The following MAP6 variants were observed in gnomAD, a reference collection of about 807,000 sequenced individuals.
The protein encoded by MAP6 is microtubule associated protein 6.
Under a neutral mutation model 42.4 loss-of-function variants are expected in MAP6, and 26 were observed. That is an observed-to-expected ratio of 0.61 (90% CI 0.45 to 0.85). The LOEUF is 0.85. Ranked by LOEUF, MAP6 falls within the 40% of genes least tolerant of loss-of-function variation. MAP6 has a pLI of 0.00. For missense variants in MAP6, 966 were observed against 1,099.0 expected, an observed-to-expected ratio of 0.88 and a Z score of 1.71; for synonymous variants, 418 against 443.8, an observed-to-expected ratio of 0.94 and a Z score of 0.73.
chr11:75,607,459 A>T (rs987290784), intron 2 of MAP6: 20 of 985,336 alleles, frequency 2.0e-5, no homozygotes, highest in African/African-American at 8.7e-5. Context: ...CCTGATCACG[A>T]ACTCCTATGT....
At chr11:75,606,776 CAG>C in intron 2 of MAP6, among the ~76,000 whole-genome samples, 1 of 152,298 alleles carries the variant, frequency 6.6e-6, no homozygotes, top group South Asian at 2.1e-4. Flanking sequence ...CCCAGAGCAG[CAG>C]TTCTAAGCTC....
At chr11:75,637,611 C>T (rs960767801) in intron 1 of MAP6, among the ~76,000 whole-genome samples, 1 of 152,050 alleles carries the variant, frequency 6.6e-6, no homozygotes, top group African/African-American at 2.4e-5. Context: ...CTACTCTGAA[C>T]CCCACCGTGG....
chr11:75,655,863 C>T (rs1048957103), intron 1 of MAP6, among the ~76,000 whole-genome samples: 1 of 152,226 alleles, frequency 6.6e-6, no homozygotes, highest in African/African-American at 2.4e-5. Context: ...GCCAGCTCAG[C>T]CACTAACTGT....
At chr11:75,637,752 C>T (rs1016500031) in intron 1 of MAP6, among the ~76,000 whole-genome samples, 1 of 142,690 alleles carries the variant, frequency 7.0e-6, no homozygotes, top group African/African-American at 2.6e-5. Flanking sequence ...AAATTATTGC[C>T]TTGAAATGGA....
intron 3 of MAP6, among the ~76,000 whole-genome samples, chr11:75,589,981 C>G (rs1293482459): frequency 6.6e-6 from 1 of 152,186 alleles, no homozygotes; most frequent in Non-Finnish European, 1.5e-5. Flanking sequence ...GTTCCCCTGG[C>G]TGTCCCTGAG....
rs1943961201 is a variant in MAP6 at position 75,667,145 on chromosome 11, G to A, written c.905+320C>T. ...TGAGTTGGATGGGGGCACGACGGAA[G>A]CACAGCCTCTGCTGACATTGCAAAG... On this transcript the variant is annotated intron_variant, in intron 1 of 3. Coordinates refer to ENST00000304771, the MANE Select transcript of MAP6 (RefSeq NM_033063.2). This position sits in a 1 kb window ranked among gnomAD's most constrained non-coding sequence, Gnocchi z 5.6. Among the ~76,000 whole-genome samples, 1 of 152,182 alleles carries A rather than the reference G, an allele frequency of 6.6e-6. No individual in the cohort carries two copies. The highest frequency in any genetic ancestry group is 1.5e-5 in the Non-Finnish European group (1 of 68,026).
chr11:75,639,461 G>A (rs781038444), intron 1 of MAP6, among the ~76,000 whole-genome samples: 11 of 152,122 alleles, frequency 7.2e-5, no homozygotes, highest in African/African-American at 2.2e-4. Context: ...AACGGATGCC[G>A]CTGGTTGAGA....
intron 3 of MAP6, chr11:75,602,948 A>C: frequency 1.0e-6 from 1 of 985,846 alleles, no homozygotes; most frequent in Middle Eastern, 5.2e-4. Context: ...AGCACGTCAC[A>C]ATCAATTGGC....
chr11:75,643,317 T>C (rs1943506424), intron 1 of MAP6, among the ~76,000 whole-genome samples: 1 of 152,124 alleles, frequency 6.6e-6, no homozygotes. Context: ...TTGTGTTTTA[T>C]AGCAACCCAA....
At chr11:75,607,095 C>T (rs1338306310) in intron 2 of MAP6, 1 of 385,622 alleles carries the variant, frequency 2.6e-6, no homozygotes, top group African/African-American at 2.2e-5. Context: ...CACTCCTGAC[C>T]TGTAAGGAAA....
intron 1 of MAP6, among the ~76,000 whole-genome samples, chr11:75,666,384 A>C (rs1943946589): frequency 2.0e-5 from 3 of 152,242 alleles, no homozygotes; most frequent in African/African-American, 7.2e-5. Context: ...AAATTCTAGA[A>C]GGAAAGAGAG....
intron 1 of MAP6, among the ~76,000 whole-genome samples, chr11:75,644,760 T>A (rs1279604264): frequency 6.6e-6 from 1 of 152,162 alleles, no homozygotes; most frequent in Admixed American, 6.5e-5. Flanking sequence ...TTGCAGATAA[T>A]ACAATGATTT....
intron 1 of MAP6, among the ~76,000 whole-genome samples, chr11:75,620,311 A>C (rs1379741361): frequency 6.6e-6 from 1 of 152,002 alleles, no homozygotes; most frequent in Non-Finnish European, 1.5e-5. Context: ...CTCTATGAAA[A>C]TATATATAAA....
At position 75,667,660 on chromosome 11, in the gene MAP6, T is replaced by A; in HGVS notation, c.710A>T (p.Asp237Val). 1 of 1,258,130 alleles carries A rather than the reference T, an allele frequency of 7.9e-7. No homozygotes were observed. The allele number at this position is 1,258,130 out of a possible 1,614,324, so 77.9% of individuals were successfully genotyped here. A position where few individuals can be genotyped will look rare whatever the true frequency, so the allele number is the denominator to read the frequency against. Residue 237 changes from aspartate (D) to valine (V), a missense_variant, in exon 1 of 4, where the codon GAC (aspartate) becomes GTC (valine). Physicochemically the swap from Asp to Val is radical, Grantham distance 152 (BLOSUM62 -3). Transcript: ENST00000304771. The surrounding 1 kb of genome is among the most constrained non-coding windows in gnomAD (Gnocchi z 5.6). ...GGCAGGCCCGGCCTTCCTGCGCGTGTCGCGCTCGTCCGCCCCGGACGCCTT... is the reference window on the plus strand; with the variant it reads ...GGCAGGCCCGGCCTTCCTGCGCGTGACGCGCTCGTCCGCCCCGGACGCCTT... The part of the protein sequence containing the change: ...AGKASGADER[D>V]TRRKAGPAWI...
chr11:75,601,777 C>T (rs973428118), intron 3 of MAP6, among the ~76,000 whole-genome samples: 1 of 151,618 alleles, frequency 6.6e-6, no homozygotes, highest in African/African-American at 2.4e-5. Flanking sequence ...CATGACCCTC[C>T]CAAGGGAGCT....
At chr11:75,651,567 C>T (rs1044017299) in intron 1 of MAP6, among the ~76,000 whole-genome samples, 2 of 152,176 alleles carry the variant, frequency 1.3e-5, no homozygotes, top group African/African-American at 4.8e-5. Context: ...GGGAACCCCA[C>T]ACAAAAATGG....
intron 1 of MAP6, among the ~76,000 whole-genome samples, chr11:75,644,045 T>C (rs12291785): frequency 0.021 from 3,239 of 152,334 alleles, 117 homozygotes; most frequent in African/African-American, 0.075. Context: ...TTTTCATTTT[T>C]TGAGGTCTTT....
intron 1 of MAP6, among the ~76,000 whole-genome samples, chr11:75,639,264 A>G (rs1943421428): frequency 6.6e-6 from 1 of 152,238 alleles, no homozygotes. Context: ...ATATCCATGT[A>G]ACCAAGCCAC....
At chr11:75,601,123 G>A (rs1942657017) in intron 3 of MAP6, among the ~76,000 whole-genome samples, 1 of 152,222 alleles carries the variant, frequency 6.6e-6, no homozygotes, top group African/African-American at 2.4e-5. Flanking sequence ...CACTGACAAA[G>A]CTGGCAAGGC....
Sources: allele counts gnomAD v4.1 joint callset (sites outside exome capture counted in the v4.1 genomes callset), GRCh38; gene constraint gnomAD v4.1.1; non-coding constraint Gnocchi (gnomAD v3.1); transcripts MANE v1.5; gene names NCBI Gene and HGNC (gene_info 2026-07-23, HGNC 2026-07-21).